Variants in ROR1 observed in about 807,000 individuals in gnomAD.
ROR1 encodes the protein ROR family WNT receptor 1.
Under a neutral mutation model 78.8 loss-of-function variants are expected in ROR1, and 19 were observed. The ratio of observed to expected loss-of-function variants is 0.24; its 90% CI spans 0.17 to 0.35. ROR1 has a LOEUF of 0.35. Among genes scored for constraint, ROR1 ranks in the 10% least tolerant of loss-of-function variants. ROR1 has a pLI of 1.00. For missense variants in ROR1, 917 were observed against 1,177.8 expected (o/e 0.78, Z 3.24); for synonymous variants, 386 against 433.6 (o/e 0.89, Z 1.36).
intron 8 of ROR1, among the ~76,000 whole-genome samples, chr1:64,163,764 G>T (rs1557680608): frequency 6.6e-6 from 1 of 152,246 alleles, no homozygotes; most frequent in East Asian, 1.9e-4. Context: ...CCAGCAACAT[G>T]CTTCCATCTA....
At chr1:64,032,207 G>A in intron 2 of ROR1, among the ~76,000 whole-genome samples, 1 of 151,926 alleles carries the variant, frequency 6.6e-6, no homozygotes, top group East Asian at 1.9e-4. Context: ...CGGGCATGGT[G>A]GTGGGTGCCT....
chr1:63,972,624 G>C (rs536277084), intron 1 of ROR1, among the ~76,000 whole-genome samples: 1 of 152,310 alleles, frequency 6.6e-6, no homozygotes, highest in East Asian at 1.9e-4. Flanking sequence ...ACTTAGTAAG[G>C]TGGGTGGCAT....
chr1:63,995,163 C>T (rs56335282), intron 1 of ROR1, among the ~76,000 whole-genome samples: 4,531 of 152,240 alleles, frequency 0.03, 257 homozygotes, highest in African/African-American at 0.11. Context: ...CCAGAACAGT[C>T]TTGGCAGGTT....
intron 1 of ROR1, among the ~76,000 whole-genome samples, chr1:63,873,554 G>T (rs149264095): frequency 2.6e-5 from 4 of 152,070 alleles, no homozygotes; most frequent in Non-Finnish European, 5.9e-5. Context: ...ACTGATTCAT[G>T]CAATCTCTCA....
chr1:63,812,164 G>A (rs1045540821), intron 1 of ROR1, among the ~76,000 whole-genome samples: 9 of 152,050 alleles, frequency 5.9e-5, no homozygotes, highest in African/African-American at 1.2e-4. Flanking sequence ...ATTTCACCAC[G>A]TTGGCCAGGC....
chr1:64,087,942 G>A lies in ROR1; in HGVS notation c.482+37226G>A, dbSNP rs1647166681. Among the ~76,000 whole-genome samples, 2 of 152,184 alleles carry A rather than the reference G, an allele frequency of 1.3e-5. 1 individual carries two copies. The highest frequency in any genetic ancestry group is 4.1e-4 in the South Asian group (2 of 4,828). On this transcript the variant is annotated intron_variant, in intron 4 of 8. Transcript: ENST00000371079. ...GGTGAGTACCATCAGAGAAAGGCCA[G>A]TACACTGGGTGGCCTGTGGATGCTT... is the stretch of plus-strand genomic sequence containing the variant.
intron 1 of ROR1, among the ~76,000 whole-genome samples, chr1:63,815,478 C>CTTTTTTTTTTTTTTTTTTTTTTTTTTTT (rs1446331528): frequency 2.7e-4 from 28 of 103,454 alleles, no homozygotes; most frequent in South Asian, 9.1e-4. Context: ...CTTTTCTTTT[C>CTTTTTTTTTTTTTTTTTTTTTTTTTTTT]TTTTTCTTTT....
intron 2 of ROR1, among the ~76,000 whole-genome samples, chr1:64,045,741 T>C (rs1459141000): frequency 6.6e-6 from 1 of 152,198 alleles, no homozygotes; most frequent in Non-Finnish European, 1.5e-5. Flanking sequence ...ACCACCATCA[T>C]TATGAAATCA....
chr1:63,818,397 A>G (rs564113444), intron 1 of ROR1, among the ~76,000 whole-genome samples: 2 of 152,350 alleles, frequency 1.3e-5, no homozygotes, highest in South Asian at 4.1e-4. Context: ...GAAAAATGTC[A>G]GACAGATTGA....
chr1:63,937,503 T>G (rs80263031), intron 1 of ROR1, among the ~76,000 whole-genome samples: 1 of 146,582 alleles, frequency 6.8e-6, no homozygotes, highest in African/African-American at 2.5e-5. Context: ...ATTGAAGTTG[T>G]TTTTTTTTTT....
rs148403206 is a variant in ROR1, at chr1:64,009,396, AG to A, written c.163+24del. The A allele has an allele frequency of 2.4e-3, 3,839 of 1,577,794 alleles. 83 individuals carry two copies. In the African/African-American group the frequency reaches 0.046, roughly 19 times the overall value. On this transcript the variant is annotated intron_variant, in intron 2 of 8. Coordinates refer to ENST00000371079, the MANE Select transcript of ROR1 (RefSeq NM_005012.4). ...ACAAAGGTACACAGTGGGGGCACAC[AG>A]GGGAGGCGAGGAAAGAGGTGTGGAA... is the stretch of plus-strand genomic sequence containing the variant.
rs1338902744 is a variant in ROR1, at chr1:64,179,799, C to T, written c.*944C>T. Reference sequence around the variant, plus strand: ...AGTGTGTGGCTACAGATGAGCACGCCCACCCCTTGCAACTCCCTGTTTACA... The same window carrying T: ...AGTGTGTGGCTACAGATGAGCACGCTCACCCCTTGCAACTCCCTGTTTACA... On this transcript the variant is annotated 3_prime_UTR_variant, in exon 9 of 9. Transcript: ENST00000371079. 6.6e-6 allele frequency: 1 copy of T among 152,146 alleles called. No individual in the cohort carries two copies. Among genetic ancestry groups the T allele is most frequent in the Non-Finnish European group, 1.5e-5 (1 of 68,052 alleles). 9.4% of individuals were successfully genotyped at this position (152,146 alleles called of 1,614,324 possible).
chr1:63,909,032 A>G (rs1323772541), intron 1 of ROR1, among the ~76,000 whole-genome samples: 1 of 152,210 alleles, frequency 6.6e-6, no homozygotes, highest in Non-Finnish European at 1.5e-5. Flanking sequence ...TGTGGTTTCC[A>G]TATAGCCTTT....
intron 1 of ROR1, among the ~76,000 whole-genome samples, chr1:63,935,623 T>C (rs1230177498): frequency 1.3e-5 from 2 of 152,212 alleles, no homozygotes; most frequent in East Asian, 3.9e-4. Flanking sequence ...ACTTGATTAC[T>C]GAGAAAGGAA....
intron 1 of ROR1, among the ~76,000 whole-genome samples, chr1:63,847,161 AGGTGTTGG>A (rs1645086482): frequency 1.3e-5 from 2 of 151,962 alleles, no homozygotes; most frequent in Non-Finnish European, 2.9e-5. Flanking sequence ...GAGGAGCAAG[AGGTGTTGG>A]GGCTGTATGT....
chr1:64,063,708 G>A (rs910417408), intron 4 of ROR1, among the ~76,000 whole-genome samples: 3 of 151,810 alleles, frequency 2.0e-5, no homozygotes, highest in Admixed American at 6.6e-5. Context: ...CAACAGCTGG[G>A]TTCTCATTAT....
chr1:63,980,620 C>T (rs548583327), intron 1 of ROR1, among the ~76,000 whole-genome samples: 1 of 152,340 alleles, frequency 6.6e-6, no homozygotes, highest in Non-Finnish European at 1.5e-5. Flanking sequence ...AGACATATAC[C>T]TCCTCTGTTA....
chr1:64,072,787 C>T lies in ROR1; in HGVS notation c.482+22071C>T, dbSNP rs1371017153. ...ACCCAGCTTCCAACTAGCTCCATGGCATGTCTGAGGGAGGGGCTTCGTGGA... is the reference window on the plus strand; with the variant it reads ...ACCCAGCTTCCAACTAGCTCCATGGTATGTCTGAGGGAGGGGCTTCGTGGA... On this transcript the variant is annotated intron_variant, in intron 4 of 8. Coordinates refer to ENST00000371079, the MANE Select transcript of ROR1 (RefSeq NM_005012.4). Among the ~76,000 whole-genome samples, 4 of 152,092 alleles carry T rather than the reference C, an allele frequency of 2.6e-5. No individual in the cohort carries two copies. In the East Asian group the frequency reaches 7.7e-4, roughly 29 times the overall value.
chr1:64,037,365 AC>A (rs1275568598), intron 2 of ROR1, among the ~76,000 whole-genome samples: 2 of 152,280 alleles, frequency 1.3e-5, no homozygotes, highest in African/African-American at 4.8e-5. Flanking sequence ...TTTTCAGACA[AC>A]TGATAGTTTC....
Sources: allele counts gnomAD v4.1 joint callset (sites outside exome capture counted in the v4.1 genomes callset), GRCh38; gene constraint gnomAD v4.1.1; transcripts MANE v1.5; gene names NCBI Gene and HGNC (gene_info 2026-07-23, HGNC 2026-07-21).